TMEM132D: variants seen among roughly 807,000 people sequenced by gnomAD.
TMEM132D encodes mature OL transmembrane protein.
TMEM132D carries 21 observed loss-of-function variants against 62.3 expected under a neutral mutation model. That is an observed-to-expected ratio of 0.34 (90% CI 0.24 to 0.49). The LOEUF is 0.49. Among genes scored for constraint, TMEM132D ranks in the 20% least tolerant of loss-of-function variants. The pLI is 0.99. For synonymous variants in TMEM132D, 621 were observed against 575.6 expected, an observed-to-expected ratio of 1.08 and a Z score of -1.13; for missense variants, 1,346 against 1,402.8, an observed-to-expected ratio of 0.96 and a Z score of 0.65.
At chr12:129,897,167 C>T (rs1388857294) in intron 1 of TMEM132D, among the ~76,000 whole-genome samples, 2 of 152,108 alleles carry the variant, frequency 1.3e-5, no homozygotes, top group Admixed American at 6.5e-5. Context: ...GTCTTTGGTC[C>T]CATGTCACAA....
At chr12:129,712,706 G>C (rs1868416385) in intron 1 of TMEM132D, among the ~76,000 whole-genome samples, 1 of 152,158 alleles carries the variant, frequency 6.6e-6, no homozygotes, top group African/African-American at 2.4e-5. Context: ...TACCATACTG[G>C]ACGTCTCTAG....
At chr12:129,497,924 G>A (rs888979117) in intron 3 of TMEM132D, among the ~76,000 whole-genome samples, 18 of 151,928 alleles carry the variant, frequency 1.2e-4, no homozygotes, top group Non-Finnish European at 2.2e-4. Flanking sequence ...ACTTCCGAAA[G>A]GGCTAAGATT....
intron 3 of TMEM132D, among the ~76,000 whole-genome samples, chr12:129,485,385 C>T (rs1436773837): frequency 6.6e-6 from 1 of 152,196 alleles, no homozygotes; most frequent in Non-Finnish European, 1.5e-5. Context: ...AGGGAAAACT[C>T]CCAGGAAAAA....
chr12:129,581,903 G>A (rs879559515), intron 2 of TMEM132D, among the ~76,000 whole-genome samples: 6 of 152,046 alleles, frequency 3.9e-5, no homozygotes, highest in Non-Finnish European at 7.4e-5. Context: ...TATAACACAC[G>A]CAGACTGAGA....
chr12:129,808,329 C>A (rs994998525), intron 1 of TMEM132D, among the ~76,000 whole-genome samples: 1 of 152,184 alleles, frequency 6.6e-6, no homozygotes, highest in Admixed American at 6.5e-5. Context: ...ATTGTCATAA[C>A]TCACATATTA....
At chr12:129,529,270 T>G (rs1486122751) in intron 3 of TMEM132D, among the ~76,000 whole-genome samples, 2 of 152,256 alleles carry the variant, frequency 1.3e-5, no homozygotes, top group African/African-American at 4.8e-5. Context: ...CTTTATATTC[T>G]ATTCAGGGTC....
intron 2 of TMEM132D, among the ~76,000 whole-genome samples, chr12:129,659,509 T>C (rs945817420): frequency 2.0e-5 from 3 of 152,210 alleles, no homozygotes; most frequent in Non-Finnish European, 2.9e-5. Context: ...TCTGCTTCGA[T>C]TGAGCATAAG....
chr12:129,498,161 T>G (rs1021390098), intron 3 of TMEM132D, among the ~76,000 whole-genome samples: 2 of 152,174 alleles, frequency 1.3e-5, no homozygotes, highest in African/African-American at 2.4e-5. Context: ...TTTCAATGAC[T>G]TCTCAGAGGG....
intron 1 of TMEM132D, among the ~76,000 whole-genome samples, chr12:129,863,284 G>A (rs138189888): frequency 2.7e-5 from 4 of 145,712 alleles, no homozygotes; most frequent in East Asian, 2.1e-4. Context: ...CCCCAGCCCC[G>A]ATGGAAACTA....
intron 3 of TMEM132D, among the ~76,000 whole-genome samples, chr12:129,378,875 C>A (rs1870857502): frequency 6.6e-6 from 1 of 152,122 alleles, no homozygotes; most frequent in Admixed American, 6.5e-5. Context: ...ATGTCTTAAG[C>A]AGCTTCAGAG....
At chr12:129,311,147 G>A (rs1277730098) in intron 4 of TMEM132D, among the ~76,000 whole-genome samples, 1 of 85,504 alleles carries the variant, frequency 1.2e-5, no homozygotes, top group Non-Finnish European at 2.0e-5. Context: ...GCAGTGAGCC[G>A]AGATCGCGCC....
intron 5 of TMEM132D, among the ~76,000 whole-genome samples, chr12:129,158,907 C>T (rs1266516835): frequency 6.6e-6 from 1 of 152,154 alleles, no homozygotes; most frequent in Non-Finnish European, 1.5e-5. Context: ...GTGCCTTCTT[C>T]ACAAGGTGGC....
chr12:129,823,944 A>G (rs1872597101), intron 1 of TMEM132D, among the ~76,000 whole-genome samples: 1 of 152,188 alleles, frequency 6.6e-6, no homozygotes, highest in African/African-American at 2.4e-5. Context: ...TAACATGAAT[A>G]GAGGCCTTAG....
intron 4 of TMEM132D, among the ~76,000 whole-genome samples, chr12:129,319,363 A>T (rs1593335623): frequency 2.0e-5 from 3 of 152,306 alleles, no homozygotes; most frequent in African/African-American, 7.2e-5. Context: ...TTCCACAAAC[A>T]GACCTTCAGC....
chr12:129,413,171 T>C (rs952390020), intron 3 of TMEM132D, among the ~76,000 whole-genome samples: 1 of 152,170 alleles, frequency 6.6e-6, no homozygotes, highest in African/African-American at 2.4e-5. Flanking sequence ...TCACCTTGAA[T>C]TGTAACTCCC....
intron 5 of TMEM132D, among the ~76,000 whole-genome samples, chr12:129,169,864 A>G (rs1877671565): frequency 6.6e-6 from 1 of 152,210 alleles, no homozygotes; most frequent in Non-Finnish European, 1.5e-5. Context: ...TTATTCTTTT[A>G]CAAAAACACC....
intron 3 of TMEM132D, among the ~76,000 whole-genome samples, chr12:129,378,206 T>C (rs12304578): frequency 0.018 from 2,723 of 152,330 alleles, 72 homozygotes; most frequent in African/African-American, 0.062. Context: ...GGGATTGTAA[T>C]TAAAAGATGA....
chr12:129,766,410 T>C (rs1204367973), intron 1 of TMEM132D, among the ~76,000 whole-genome samples: 1 of 152,200 alleles, frequency 6.6e-6, no homozygotes, highest in South Asian at 2.1e-4. Flanking sequence ...ACATTTACTA[T>C]CTTCCTCATT....
intron 2 of TMEM132D, among the ~76,000 whole-genome samples, chr12:129,578,532 C>T (rs1218905080): frequency 6.6e-6 from 1 of 151,554 alleles, no homozygotes; most frequent in South Asian, 2.1e-4. Context: ...CACACATACA[C>T]ATATATGTGT....
Sources: allele counts gnomAD v4.1 joint callset (sites outside exome capture counted in the v4.1 genomes callset), GRCh38; gene constraint gnomAD v4.1.1; transcripts MANE v1.5; gene names NCBI Gene and HGNC (gene_info 2026-07-23, HGNC 2026-07-21).